The following KLF9 variants were observed in gnomAD, a reference collection of about 807,000 sequenced individuals.
KLF9 encodes the protein KLF transcription factor 9, also known as Krueppel-like factor 9.
Under a neutral mutation model 17.3 loss-of-function variants are expected in KLF9, and 2 were observed. The ratio of observed to expected loss-of-function variants is 0.12; its 90% confidence interval spans 0.05 to 0.36. The LOEUF is 0.36. Among genes scored for constraint, KLF9 ranks in the 10% least tolerant of loss-of-function variants. The probability of loss-of-function intolerance (pLI) is 1.00; values close to 1 mark genes in which losing one functional copy is unlikely to be tolerated. For synonymous variants in KLF9, 138 were observed against 139.2 expected (o/e 0.99, Z 0.06); for missense variants, 226 against 333.2 (o/e 0.68, Z 2.51).
chr9:70,399,306 A>T (rs2037206161), intron 1 of KLF9, among the ~76,000 whole-genome samples: 1 of 152,188 alleles, frequency 6.6e-6, no homozygotes, highest in Non-Finnish European at 1.5e-5. Context: ...GGTGGATGAA[A>T]TCTTAGGGAT....
intron 1 of KLF9, among the ~76,000 whole-genome samples, chr9:70,401,686 C>CA (rs34988097): frequency 0.41 from 27,144 of 66,636 alleles, 4,500 homozygotes; most frequent in African/African-American, 0.53. Flanking sequence ...GACTCCTTCA[C>CA]AAAAAAAAAA....
rs1038990146 is a variant in KLF9, at chr9:70,387,807, C to T, written c.704G>A (p.Arg235Gln). The T allele has an allele frequency of 3.1e-6, 5 of 1,613,898 alleles. No homozygotes were observed. In the African/African-American group the frequency reaches 4.0e-5, roughly 13 times the overall value. Reference sequence around the variant, plus strand: ...AGCGTTGGCCAGCGCCTTTTTCGATCGCTTGATCATGCTGGGGTGGAACTC... The same window carrying T: ...AGCGTTGGCCAGCGCCTTTTTCGATTGCTTGATCATGCTGGGGTGGAACTC... ...HTEFHPSMIK[R>Q]SKKALANAL Residue 235 changes from arginine (R) to glutamine (Q), a missense_variant, in exon 2 of 2, where the codon CGA (arginine) becomes CAA (glutamine). By Grantham distance (43) the Arg-to-Gln change is conservative (BLOSUM62 1). Transcript: ENST00000377126.
At chr9:70,395,881 G>A (rs905342329) in intron 1 of KLF9, among the ~76,000 whole-genome samples, 2 of 152,136 alleles carry the variant, frequency 1.3e-5, no homozygotes, top group Non-Finnish European at 2.9e-5. Context: ...GTTGCAGTAA[G>A]CTGAGATTGT....
intron 1 of KLF9, among the ~76,000 whole-genome samples, chr9:70,388,730 T>A (rs1323671234): frequency 1.3e-5 from 2 of 152,160 alleles, no homozygotes; most frequent in African/African-American, 4.8e-5. Context: ...AGCTCCTGAG[T>A]GCAGGGGCCA....
At position 70,413,505 on chromosome 9, in the gene KLF9, G is replaced by T; in HGVS notation, c.-142C>A. The T allele has an allele frequency of 1.1e-6, 1 of 879,760 alleles. No homozygotes were observed. Among genetic ancestry groups the T allele is most frequent in the Non-Finnish European group, 1.5e-6 (1 of 681,378 alleles). 54.5% of individuals were successfully genotyped at this position (879,760 alleles called of 1,614,324 possible). On this transcript the variant is annotated 5_prime_UTR_variant, in exon 1 of 2. Coordinates refer to ENST00000377126, the MANE Select transcript of KLF9 (RefSeq NM_001206.4). The surrounding 1 kb of genome is among the most constrained non-coding windows in gnomAD (Gnocchi z 5.6). ...GGCCAAGGGGGCGGGGGCGCGGGGC[G>T]CTTCCGACTCGCAGGAGCGCCGAGG...
chr9:70,405,868 G>A (rs17054093), intron 1 of KLF9, among the ~76,000 whole-genome samples: 1,803 of 152,218 alleles, frequency 0.012, 34 homozygotes, highest in African/African-American at 0.041. Context: ...TAAAACAAAT[G>A]TTTACTCGTG....
chr9:70,406,611 A>G (rs1407364005), intron 1 of KLF9, among the ~76,000 whole-genome samples: 2 of 152,192 alleles, frequency 1.3e-5, no homozygotes, highest in Non-Finnish European at 2.9e-5. Flanking sequence ...GACCACTGAA[A>G]GAGGATCTCA....
At position 70,402,073 on chromosome 9, in the gene KLF9, GAA is replaced by G. The variant is rs573822251; in HGVS notation, c.505+10784_505+10785del. 4.6e-3 allele frequency among the ~76,000 whole-genome samples: 704 copies of G among 152,110 alleles called. 5 individuals are homozygous for G. Among genetic ancestry groups the G allele is most frequent in the Non-Finnish European group, 6.9e-3 (467 of 67,968 alleles). On this transcript the variant is annotated intron_variant, in intron 1 of 1. Transcript: ENST00000377126. ...ATCAATTAGAAAAGAAAAAGAAAAA[GAA>G]ATGCCTCAGGTTAGAGAAAATAGCC...
At chr9:70,409,211 T>TAC (rs1470326934) in intron 1 of KLF9, among the ~76,000 whole-genome samples, 38 of 128,080 alleles carry the variant, frequency 3.0e-4, no homozygotes, top group South Asian at 1.2e-3. Flanking sequence ...TATATATATA[T>TAC]ACATATATGT....
chr9:70,408,569 T>C (rs1483924458), intron 1 of KLF9, among the ~76,000 whole-genome samples: 2 of 152,090 alleles, frequency 1.3e-5, no homozygotes, highest in Admixed American at 1.3e-4. Flanking sequence ...CTAAGGCCCC[T>C]TAGTCTAGGG....
At chr9:70,412,659 C>T (rs116765192) in intron 1 of KLF9, among the ~76,000 whole-genome samples, 200 bp downstream of exon 1, 2,184 of 152,342 alleles carry the variant, frequency 0.014, 49 homozygotes, top group African/African-American at 0.05. Flanking sequence ...CTCTCCGTGG[C>T]TCCCGGAGGC....
intron 1 of KLF9, among the ~76,000 whole-genome samples, chr9:70,389,528 A>T (rs2037139495): frequency 6.6e-6 from 1 of 152,164 alleles, no homozygotes; most frequent in Non-Finnish European, 1.5e-5. Flanking sequence ...GACAATTTCC[A>T]CATCCCTCTT....
At chr9:70,397,865 A>G (rs2118914447) in intron 1 of KLF9, among the ~76,000 whole-genome samples, 1 of 152,340 alleles carries the variant, frequency 6.6e-6, no homozygotes, top group South Asian at 2.1e-4. Context: ...ACATGCAGGT[A>G]CGAAACATGA....
chr9:70,398,082 G>A (rs986836842), intron 1 of KLF9, among the ~76,000 whole-genome samples: 3 of 152,176 alleles, frequency 2.0e-5, no homozygotes, highest in South Asian at 2.1e-4. Flanking sequence ...TGTTCTGAAC[G>A]AATAAAAATG....
intron 1 of KLF9, among the ~76,000 whole-genome samples, chr9:70,395,448 A>G (rs2037177406): frequency 6.6e-6 from 1 of 152,208 alleles, no homozygotes; most frequent in East Asian, 1.9e-4. Flanking sequence ...CTTGAAGGAT[A>G]GTTTTGAATA....
chr9:70,413,097 T>C lies in KLF9; in HGVS notation c.267A>G (p.Pro89=), dbSNP rs1254793179. The change falls in exon 1 of 2, where the codon CCA becomes CCG. Residue 89 remains proline, a synonymous_variant. Transcript: ENST00000377126. This position sits in a 1 kb window ranked among gnomAD's most constrained non-coding sequence, Gnocchi z 5.6. ...PSVCSDSLES[P]DEDMGSDSDV... ...CGCTGTCGGATCCCATATCCTCATC[T>C]GGACTTTCCAGACTGTCGCTGCACA... is the stretch of plus-strand genomic sequence containing the variant. 2 of 1,614,112 alleles carry C rather than the reference T, an allele frequency of 1.2e-6. No individual in the cohort carries two copies. The highest frequency in any genetic ancestry group is 1.7e-6 in the Non-Finnish European group (2 of 1,180,038).
intron 1 of KLF9, among the ~76,000 whole-genome samples, chr9:70,398,933 A>C (rs759907890): frequency 1.3e-5 from 2 of 152,210 alleles, no homozygotes; most frequent in Non-Finnish European, 2.9e-5. Flanking sequence ...TCCCAGGCTC[A>C]AGTGATCCTC....
chr9:70,390,910 C>G (rs910017651), intron 1 of KLF9, among the ~76,000 whole-genome samples: 1 of 152,212 alleles, frequency 6.6e-6, no homozygotes, highest in Non-Finnish European at 1.5e-5. Context: ...GCCCTCTCTG[C>G]TCGGTCCTTT....
chr9:70,390,404 A>T (rs1384919893), intron 1 of KLF9, among the ~76,000 whole-genome samples: 1 of 152,158 alleles, frequency 6.6e-6, no homozygotes, highest in Non-Finnish European at 1.5e-5. Context: ...AGGAAAAAAA[A>T]AAGAGTTTCC....
Sources: allele counts gnomAD v4.1 joint callset (sites outside exome capture counted in the v4.1 genomes callset), GRCh38; gene constraint gnomAD v4.1.1; non-coding constraint Gnocchi (gnomAD v3.1); transcripts MANE v1.5; gene names NCBI Gene and HGNC (gene_info 2026-07-23, HGNC 2026-07-21).